Variants in ROBO1 observed in about 807,000 individuals in gnomAD.
ROBO1 encodes roundabout homolog 1.
Under a neutral mutation model 195.9 loss-of-function variants are expected in ROBO1, and 149 were observed. The ratio of observed to expected loss-of-function variants is 0.76; its 90% confidence interval spans 0.67 to 0.87. The LOEUF (loss-of-function observed/expected upper bound fraction) is 0.87, where lower values mean the gene tolerates loss of function less well. ROBO1 is among the 40% of genes least tolerant of loss of function. The pLI is 0.00. For missense variants in ROBO1, 1,933 were observed against 2,068.3 expected (o/e 0.93, Z 1.27); for synonymous variants, 816 against 733.2 (o/e 1.11, Z -1.82).
intron 1 of ROBO1, among the ~76,000 whole-genome samples, chr3:79,709,733 G>A (rs758947328): frequency 1.3e-5 from 2 of 151,568 alleles, no homozygotes; most frequent in African/African-American, 2.4e-5. Context: ...TGTTGAAACC[G>A]AATCACCAAT....
intron 2 of ROBO1, among the ~76,000 whole-genome samples, chr3:79,373,277 C>T (rs2036265938): frequency 6.6e-6 from 1 of 151,518 alleles, no homozygotes; most frequent in Non-Finnish European, 1.5e-5. Flanking sequence ...ATATGTAAAA[C>T]ACGTTTTTTT....
chr3:79,603,954 A>G (rs1944410912), intron 1 of ROBO1, among the ~76,000 whole-genome samples: 2 of 152,020 alleles, frequency 1.3e-5, no homozygotes. Context: ...CAGAAGAGAG[A>G]TCGCTCTGCA....
intron 4 of ROBO1, among the ~76,000 whole-genome samples, chr3:78,898,229 TA>T (rs902366171): frequency 2.0e-5 from 3 of 150,288 alleles, no homozygotes; most frequent in Non-Finnish European, 4.4e-5. Context: ...ATAATAAATA[TA>T]AAAAATATAC....
intron 3 of ROBO1, among the ~76,000 whole-genome samples, chr3:79,039,277 A>G (rs111336738): frequency 2.0e-5 from 3 of 152,238 alleles, no homozygotes; most frequent in African/African-American, 7.2e-5. Context: ...GTGGAATCCA[A>G]TTCTCAACTG....
chr3:79,654,415 G>A (rs1333261248), intron 1 of ROBO1, among the ~76,000 whole-genome samples: 1 of 151,882 alleles, frequency 6.6e-6, no homozygotes, highest in Non-Finnish European at 1.5e-5. Flanking sequence ...TTCCAATGCT[G>A]TCATTTTACA....
intron 4 of ROBO1, among the ~76,000 whole-genome samples, chr3:78,858,163 G>A (rs1488845551): frequency 2.6e-5 from 4 of 152,088 alleles, no homozygotes; most frequent in Non-Finnish European, 5.9e-5. Flanking sequence ...AGCTCATAAG[G>A]AGACTTATTT....
At chr3:78,836,125 A>G (rs2032687960) in intron 4 of ROBO1, among the ~76,000 whole-genome samples, 1 of 152,234 alleles carries the variant, frequency 6.6e-6, no homozygotes, top group Non-Finnish European at 1.5e-5. Flanking sequence ...ATCAATACTT[A>G]GAAATGCCTT....
At chr3:79,587,713 G>A (rs915247392) in intron 2 of ROBO1, among the ~76,000 whole-genome samples, 39 of 151,524 alleles carry the variant, frequency 2.6e-4, no homozygotes, top group Non-Finnish European at 5.0e-4. Context: ...CAGATCCAAG[G>A]TCTCTAATGA....
intron 4 of ROBO1, among the ~76,000 whole-genome samples, chr3:78,748,704 G>A (rs189379534): frequency 3.3e-5 from 5 of 151,668 alleles, no homozygotes; most frequent in Non-Finnish European, 7.4e-5. Context: ...CCAACTAGAT[G>A]TATCCATTCG....
At chr3:78,877,053 T>C (rs2035894358) in intron 4 of ROBO1, among the ~76,000 whole-genome samples, 1 of 152,084 alleles carries the variant, frequency 6.6e-6, no homozygotes, top group African/African-American at 2.4e-5. Context: ...CGCTGCTAGA[T>C]CCAGCGACCT....
chr3:78,987,934 T>G, intron 3 of ROBO1, among the ~76,000 whole-genome samples: 1 of 152,094 alleles, frequency 6.6e-6, no homozygotes, highest in African/African-American at 2.4e-5. Flanking sequence ...TATATAAAGT[T>G]GCTAAATAAT....
rs1045319574 is a variant in ROBO1, at chr3:79,042,837, A to G, written c.172+82619T>C. Among the ~76,000 whole-genome samples the G allele has an allele frequency of 1.1e-4, 17 of 152,306 alleles. No homozygotes were observed. The South Asian group carries it at 3.5e-3, about 32-fold the overall frequency. On this transcript the variant is annotated intron_variant, in intron 3 of 30. Coordinates refer to ENST00000464233, the MANE Select transcript of ROBO1 (RefSeq NM_002941.4). ...GCTGCTACTGAAATAAAATTCTATA[A>G]TAAAATCTGAATTCTAAATAATTGC...
At chr3:78,999,437 C>T (rs1306744733) in intron 3 of ROBO1, among the ~76,000 whole-genome samples, 1 of 152,032 alleles carries the variant, frequency 6.6e-6, no homozygotes, top group Non-Finnish European at 1.5e-5. Context: ...CAAATTTACA[C>T]AGGAACAGAA....
At chr3:79,422,716 CAG>C (rs113987479) in intron 2 of ROBO1, among the ~76,000 whole-genome samples, 2 of 152,196 alleles carry the variant, frequency 1.3e-5, no homozygotes, top group African/African-American at 4.8e-5. Context: ...TGAGTTTTAA[CAG>C]ATGTCATACC....
intron 1 of ROBO1, among the ~76,000 whole-genome samples, chr3:79,608,655 C>CATTT (rs1029697532): frequency 7.9e-5 from 12 of 151,864 alleles, no homozygotes; most frequent in Non-Finnish European, 1.8e-4. Flanking sequence ...ATAAATAAAG[C>CATTT]ATTTATTTAT....
At chr3:78,821,888 G>A (rs1336742371) in intron 4 of ROBO1, among the ~76,000 whole-genome samples, 1 of 152,094 alleles carries the variant, frequency 6.6e-6, no homozygotes, top group Non-Finnish European at 1.5e-5. Flanking sequence ...GCCATCACCT[G>A]TAGAGAAGTG....
chr3:79,496,212 C>CAAA (rs751339145), intron 2 of ROBO1, among the ~76,000 whole-genome samples: 106 of 56,056 alleles, frequency 1.9e-3, no homozygotes, highest in East Asian at 3.6e-3. Context: ...GACTCTGTCT[C>CAAA]AAAAAAAAAA....
At chr3:79,282,703 T>C (rs2031602888) in intron 2 of ROBO1, among the ~76,000 whole-genome samples, 1 of 152,190 alleles carries the variant, frequency 6.6e-6, no homozygotes. Context: ...TGTTGAGTTC[T>C]TGCTCTGCCT....
intron 2 of ROBO1, among the ~76,000 whole-genome samples, chr3:79,559,753 C>T (rs1942839192): frequency 6.6e-6 from 1 of 152,008 alleles, no homozygotes; most frequent in African/African-American, 2.4e-5. Context: ...CCCGTCTCTA[C>T]TAAAAACACA....
Sources: allele counts gnomAD v4.1 joint callset (sites outside exome capture counted in the v4.1 genomes callset), GRCh38; gene constraint gnomAD v4.1.1; transcripts MANE v1.5; gene names NCBI Gene and HGNC (gene_info 2026-07-23, HGNC 2026-07-21).